CTBP2: variants seen among roughly 807,000 people sequenced by gnomAD.
CTBP2 encodes C-terminal-binding protein 2.
A neutral mutation model predicts 80.3 loss-of-function variants in CTBP2; 30 were observed. That is an observed-to-expected ratio of 0.37 (90% CI 0.28 to 0.51). CTBP2 has a LOEUF of 0.51. CTBP2 is among the 20% of genes least tolerant of loss of function. The probability of loss-of-function intolerance (pLI) is 0.93; values close to 1 mark genes in which losing one functional copy is unlikely to be tolerated. For missense variants in CTBP2, 1,212 were observed against 1,375.3 expected (o/e 0.88, Z 1.88); for synonymous variants, 594 against 587.4 (o/e 1.01, Z -0.16).
In CTBP2 at chr10:124,985,027, A is replaced by G. The variant is rs1267908109; in HGVS notation, c.*4491T>C. The G allele has an allele frequency of 5.3e-6, 8 of 1,514,946 alleles. No homozygotes were observed. The South Asian group carries it at 7.1e-5, about 13-fold the overall frequency. The allele number at this position is 1,514,946 out of a possible 1,614,324, so 93.8% of individuals were successfully genotyped here. On this transcript the variant is annotated 3_prime_UTR_variant, in exon 9 of 9. Transcript: ENST00000309035. Reference sequence around the variant, plus strand: ...TCAAACAGCAGAAGACCAAGGCATCAGATCTGTAATGACCCTAAAGTTAGT... The same window carrying G: ...TCAAACAGCAGAAGACCAAGGCATCGGATCTGTAATGACCCTAAAGTTAGT...
chr10:125,152,090 G>A (rs1860061944), intron 1 of CTBP2, among the ~76,000 whole-genome samples: 1 of 152,162 alleles, frequency 6.6e-6, no homozygotes, highest in African/African-American at 2.4e-5. Flanking sequence ...GCGGGGGGAA[G>A]AGGGCACAGC....
intron 4 of CTBP2, among the ~76,000 whole-genome samples, chr10:124,995,026 C>T (rs764696553): frequency 2.0e-5 from 3 of 152,238 alleles, no homozygotes; most frequent in Non-Finnish European, 2.9e-5. Context: ...CCGTGTCCTC[C>T]GTTCCCACCC....
At chr10:125,134,744 G>A (rs1006305583) in intron 1 of CTBP2, among the ~76,000 whole-genome samples, 1 of 152,116 alleles carries the variant, frequency 6.6e-6, no homozygotes, top group African/African-American at 2.4e-5. Flanking sequence ...CGGGTCCTTG[G>A]GGAAAGGAGC....
At chr10:125,098,758 G>C (rs1006399872) in intron 2 of CTBP2, among the ~76,000 whole-genome samples, 25 of 127,324 alleles carry the variant, frequency 2.0e-4, no homozygotes, top group African/African-American at 2.8e-4. Flanking sequence ...GACAGAGAGA[G>C]AGAGAGAGAG....
chr10:125,062,860 A>C (rs1965255430), intron 2 of CTBP2, among the ~76,000 whole-genome samples: 1 of 152,260 alleles, frequency 6.6e-6, no homozygotes, highest in Non-Finnish European at 1.5e-5. Flanking sequence ...CTCTATCTCA[A>C]AAAAATAAAA....
At chr10:125,161,652 C>T (rs944557975), upstream of CTBP2, among the ~76,000 whole-genome samples, 59 of 152,214 alleles carry the variant, frequency 3.9e-4, no homozygotes, top group Non-Finnish European at 6.6e-4. Context: ...AGGGAAGGGC[C>T]CTCTGTGCTG....
intron 4 of CTBP2, among the ~76,000 whole-genome samples, chr10:124,995,016 C>G (rs1166664410): frequency 6.6e-6 from 1 of 152,242 alleles, no homozygotes; most frequent in Non-Finnish European, 1.5e-5. Context: ...CCATCACCAC[C>G]CGTGTCCTCC....
intron 1 of CTBP2, among the ~76,000 whole-genome samples, chr10:125,134,090 G>A (rs115965559): frequency 2.0e-5 from 3 of 152,186 alleles, no homozygotes; most frequent in Admixed American, 6.5e-5. Flanking sequence ...GAAACATTCC[G>A]AAGTCCTGTC....
chr10:125,097,673 G>A (rs965675362), intron 2 of CTBP2, among the ~76,000 whole-genome samples: 23 of 148,630 alleles, frequency 1.5e-4, no homozygotes, highest in Admixed American at 1.1e-3. Flanking sequence ...GTGTGCACAC[G>A]TGTGAGCATG....
intron 1 of CTBP2, among the ~76,000 whole-genome samples, chr10:125,121,482 T>C (rs1408945376): frequency 6.6e-6 from 1 of 152,184 alleles, no homozygotes; most frequent in Admixed American, 6.5e-5. Flanking sequence ...ATCCTTGCTG[T>C]GGAATGGAGC....
intron 1 of CTBP2, among the ~76,000 whole-genome samples, chr10:125,010,295 C>T (rs1440798997): frequency 1.4e-5 from 2 of 145,272 alleles, no homozygotes; most frequent in African/African-American, 2.5e-5. Flanking sequence ...TCTGCTTTTT[C>T]ATTTGGCAAA....
At chr10:125,109,897 T>C (rs1195509912) in intron 2 of CTBP2, among the ~76,000 whole-genome samples, 1 of 152,228 alleles carries the variant, frequency 6.6e-6, no homozygotes, top group Non-Finnish European at 1.5e-5. Context: ...TAGGTCTGGG[T>C]CAGCTACCTC....
chr10:125,159,570 G>A (rs1861585134), intron 1 of CTBP2, among the ~76,000 whole-genome samples: 2 of 150,406 alleles, frequency 1.3e-5, no homozygotes, highest in African/African-American at 4.8e-5. Context: ...CAAAACAAAA[G>A]GGTTCCACTT....
intron 2 of CTBP2, among the ~76,000 whole-genome samples, chr10:125,054,317 C>A (rs1963422893): frequency 1.3e-5 from 2 of 152,186 alleles, no homozygotes; most frequent in African/African-American, 4.8e-5. Context: ...GAGACTGTGG[C>A]TACCAGTGTG....
chr10:125,068,892 C>G (rs1845038040), intron 2 of CTBP2, among the ~76,000 whole-genome samples: 1 of 152,226 alleles, frequency 6.6e-6, no homozygotes, highest in Non-Finnish European at 1.5e-5. Flanking sequence ...CGAGGCCCCA[C>G]TCTCCCCTCA....
chr10:125,099,141 G>C (rs890905755), intron 2 of CTBP2, among the ~76,000 whole-genome samples: 2 of 152,200 alleles, frequency 1.3e-5, no homozygotes, highest in African/African-American at 2.4e-5. Flanking sequence ...TTAGGAAAAG[G>C]CTGTGGAGCA....
intron 2 of CTBP2, among the ~76,000 whole-genome samples, chr10:125,062,027 G>A (rs575056959): frequency 2.6e-5 from 4 of 152,304 alleles, no homozygotes; most frequent in East Asian, 3.9e-4. Context: ...GATCGTCCAC[G>A]CCCTGAGTTT....
chr10:125,112,361 C>T lies in CTBP2; in HGVS notation c.-205-1268G>A, dbSNP rs539354258. On this transcript the variant is annotated intron_variant, in intron 1 of 10. Transcript: ENST00000337195. ...CTTCTGACCTCAAGTGATCCACTGG[C>T]CTGGGCCTCCCAAAGTGCTGGGATT... 4.0e-5 allele frequency among the ~76,000 whole-genome samples: 6 copies of T among 151,888 alleles called. No individual in the cohort carries two copies. The South Asian group carries it at 8.3e-4, about 21-fold the overall frequency.
chr10:124,995,497 C>A (rs1388806751), intron 4 of CTBP2, among the ~76,000 whole-genome samples: 2 of 152,198 alleles, frequency 1.3e-5, no homozygotes, highest in Non-Finnish European at 2.9e-5. Context: ...CAGAAGGAAT[C>A]TTTAAAGCCA....
Sources: allele counts gnomAD v4.1 joint callset (sites outside exome capture counted in the v4.1 genomes callset), GRCh38; gene constraint gnomAD v4.1.1; transcripts MANE v1.5; gene names NCBI Gene and HGNC (gene_info 2026-07-23, HGNC 2026-07-21).